The following HLCS variants were observed in gnomAD, a reference collection of about 807,000 sequenced individuals.
HLCS encodes holocarboxylase synthetase, also known as biotin--protein ligase.
HLCS carries 53 observed loss-of-function variants against 75.0 expected under a neutral mutation model. That is an observed-to-expected ratio of 0.71 (90% confidence interval 0.57 to 0.89). HLCS has a LOEUF of 0.89. Ranked by LOEUF, HLCS falls within the 40% of genes least tolerant of loss-of-function variation. The pLI, the probability that HLCS is intolerant of heterozygous loss-of-function variation, is 0.00. For missense variants in HLCS, 966 were observed against 1,074.0 expected, an observed-to-expected ratio of 0.90 and a Z score of 1.41; for synonymous variants, 431 against 428.6, an observed-to-expected ratio of 1.01 and a Z score of -0.07.
At chr21:36,779,323 CTTT>C in intron 6 of HLCS, among the ~76,000 whole-genome samples, 1 of 150,606 alleles carries the variant, frequency 6.6e-6, no homozygotes, top group Non-Finnish European at 1.5e-5. Context: ...CTCCTTCCTT[CTTT>C]CTTTCTTCCT....
intron 6 of HLCS, among the ~76,000 whole-genome samples, chr21:36,808,834 T>C (rs142611016): frequency 2.6e-5 from 4 of 152,326 alleles, no homozygotes; most frequent in Non-Finnish European, 5.9e-5. Flanking sequence ...ACAGTGCAGG[T>C]CTGCTGGTGA....
chr21:36,932,114 C>T (rs73905408), intron 4 of HLCS, among the ~76,000 whole-genome samples: 5,708 of 152,222 alleles, frequency 0.037, 229 homozygotes, highest in African/African-American at 0.1. Context: ...TCCAGCCACG[C>T]GGCCACCCAC....
chr21:36,865,244 C>G (rs2063515717), intron 6 of HLCS, among the ~76,000 whole-genome samples: 4 of 151,892 alleles, frequency 2.6e-5, no homozygotes, highest in Admixed American at 2.0e-4. Context: ...CACCACTCCC[C>G]ACTTATGTGC....
intron 6 of HLCS, among the ~76,000 whole-genome samples, chr21:36,864,997 G>A (rs2063506237): frequency 1.3e-5 from 2 of 151,800 alleles, no homozygotes; most frequent in African/African-American, 2.4e-5. Flanking sequence ...TTTGCTTTCT[G>A]ACACCAATAT....
At position 36,748,633 on chromosome 21, in the gene HLCS, ATTTTTG is replaced by A. The variant is rs1449781748; in HGVS notation, c.*5607_*5612del. On this transcript the variant is annotated 3_prime_UTR_variant, in exon 11 of 11. Coordinates refer to ENST00000674895, the MANE Select transcript of HLCS (RefSeq NM_001352514.2). ...TTAAAAGTCATTCAAGAGTCTCATT[ATTTTTG>A]TTTTTATTTAACCCTTTCTTCAATA... 2.0e-5 allele frequency: 3 copies of A among 152,318 alleles called. No homozygotes were observed. The highest frequency in any genetic ancestry group is 2.9e-5 in the Non-Finnish European group (2 of 68,026). The allele number at this position is 152,318 out of a possible 1,614,324, so 9.4% of individuals were successfully genotyped here.
intron 6 of HLCS, among the ~76,000 whole-genome samples, chr21:36,850,971 G>A (rs538895860): frequency 6.6e-6 from 1 of 152,246 alleles, no homozygotes; most frequent in East Asian, 1.9e-4. Context: ...ATTGTTGAGG[G>A]GCTGTAGCCT....
At chr21:36,988,381 T>C (rs2069267941) in intron 1 of HLCS, among the ~76,000 whole-genome samples, 1 of 152,206 alleles carries the variant, frequency 6.6e-6, no homozygotes, top group Non-Finnish European at 1.5e-5. Context: ...CCACATCAGT[T>C]CAGAGACCTT....
At chr21:36,858,526 C>T (rs1335702954) in intron 6 of HLCS, among the ~76,000 whole-genome samples, 9 of 152,214 alleles carry the variant, frequency 5.9e-5, no homozygotes, top group South Asian at 2.1e-4. Flanking sequence ...AAATATTTAC[C>T]GTGCCTCTGT....
chr21:36,799,141 T>A (rs2061119907), intron 6 of HLCS, among the ~76,000 whole-genome samples: 1 of 152,210 alleles, frequency 6.6e-6, no homozygotes, highest in African/African-American at 2.4e-5. Context: ...AGCTTAACAG[T>A]TTTTGCAACT....
In HLCS at chr21:36,936,596, GC is replaced by G. The variant is rs898964693; in HGVS notation, c.1289del (p.Ser430ThrfsTer3). ...GGTACCTGCAGCCACTGCTCAAGAC[GC>G]TGAGCTTCACCTCGCTCTGGTCAGC... Reference protein sequence around the residue: ...SKADQSEVKLSVLSSGCRYQE... With the variant: ...SKADQSEVKLXVLSSGCRYQE... On this transcript the variant is annotated frameshift_variant, in exon 4 of 11. Coordinates refer to ENST00000674895, the MANE Select transcript of HLCS (RefSeq NM_001352514.2). LOFTEE classifies it high-confidence loss of function. 2 of 1,614,078 alleles carry G rather than the reference GC, an allele frequency of 1.2e-6. No individual in the cohort carries two copies. The highest frequency in any genetic ancestry group is 2.7e-5 in the African/African-American group (2 of 74,924).
chr21:36,882,313 T>C (rs1253139780), intron 6 of HLCS, among the ~76,000 whole-genome samples: 2 of 151,774 alleles, frequency 1.3e-5, no homozygotes, highest in African/African-American at 2.4e-5. Context: ...AGATCTAGTA[T>C]AACCCTCTAA....
In HLCS at chr21:36,913,337, T is replaced by C. The variant is rs2065800534; in HGVS notation, c.1621-16206A>G. ...TTTTCTATAATCAAAATGCTGATGGTATCACAAAGATATAAACTCAATATG... is the reference window on the plus strand; with the variant it reads ...TTTTCTATAATCAAAATGCTGATGGCATCACAAAGATATAAACTCAATATG... On this transcript the variant is annotated intron_variant, in intron 5 of 10. Coordinates refer to ENST00000674895, the MANE Select transcript of HLCS (RefSeq NM_001352514.2). Among the ~76,000 whole-genome samples, 3 of 151,990 alleles carry C rather than the reference T, an allele frequency of 2.0e-5. No homozygotes were observed. In the South Asian group the frequency reaches 6.2e-4, roughly 32 times the overall value.
In HLCS at chr21:36,937,408, G is replaced by A; in HGVS notation, c.494-16C>T. The A allele has an allele frequency of 6.3e-7, 1 of 1,595,840 alleles. No individual in the cohort carries two copies. The highest frequency in any genetic ancestry group is 8.6e-7 in the Non-Finnish European group (1 of 1,164,520). On this transcript the variant is annotated splice_polypyrimidine_tract_variant and intron_variant, in intron 3 of 10. Transcript: ENST00000674895. ...AAGTGCACCGCTAAGGCATGAATAGGAGAGAGAGACAGAAAATTAATCAAC... is the reference window on the plus strand; with the variant it reads ...AAGTGCACCGCTAAGGCATGAATAGAAGAGAGAGACAGAAAATTAATCAAC...
upstream of HLCS, among the ~76,000 whole-genome samples, chr21:36,970,866 C>T (rs564713527): frequency 3.3e-5 from 5 of 151,936 alleles, no homozygotes; most frequent in South Asian, 4.2e-4. Context: ...TGGTGGCGGG[C>T]GCCTGTAATC....
In HLCS at chr21:36,756,253, ACG is replaced by A. The variant is rs58695786; in HGVS notation, c.2450+287_2450+288del. Among the ~76,000 whole-genome samples the A allele has an allele frequency of 0.06, 9,039 of 151,828 alleles. 895 individuals are homozygous for A. The highest frequency in any genetic ancestry group is 0.21 in the African/African-American group (8,491 of 41,274). On this transcript the variant is annotated intron_variant, in intron 10 of 10. Coordinates refer to ENST00000674895, the MANE Select transcript of HLCS (RefSeq NM_001352514.2). ...GGAGATCGAGACCATCCTGGCTAACACGGTGAAACCCCACCTCCACTAAAAAT... is the reference window on the plus strand; with the variant it reads ...GGAGATCGAGACCATCCTGGCTAACAGTGAAACCCCACCTCCACTAAAAAT...
intron 6 of HLCS, among the ~76,000 whole-genome samples, chr21:36,784,949 G>C (rs1381467463): frequency 6.6e-6 from 1 of 152,040 alleles, no homozygotes; most frequent in Non-Finnish European, 1.5e-5. Context: ...GAGTGAAGGG[G>C]CATCTGAAAC....
chr21:36,918,301 G>A (rs2066016062), intron 5 of HLCS, among the ~76,000 whole-genome samples: 2 of 152,318 alleles, frequency 1.3e-5, no homozygotes, highest in South Asian at 2.1e-4. Context: ...AGGATTGTAG[G>A]TGAGGCCTGA....
chr21:36,948,340 A>C (rs2067507376), intron 2 of HLCS: 1 of 151,812 alleles, frequency 6.6e-6, no homozygotes, highest in African/African-American at 2.4e-5. Context: ...AAAGGGAAAA[A>C]GTTATTTTTA....
chr21:36,768,442 A>G (rs1056034904), intron 6 of HLCS, among the ~76,000 whole-genome samples: 3 of 152,216 alleles, frequency 2.0e-5, no homozygotes, highest in Non-Finnish European at 4.4e-5. Flanking sequence ...GAACTCGGTA[A>G]GAGAAGAAAA....
Sources: gnomAD v4.1 joint callset for allele counts (sites outside exome capture counted in the v4.1 genomes callset) on GRCh38, gnomAD v4.1.1 for gene constraint, MANE v1.5 for transcripts, NCBI Gene and HGNC (gene_info 2026-07-23, HGNC 2026-07-21) for gene names.